Variants in NDUFAF6 observed in about 807,000 individuals in gnomAD.
NDUFAF6 encodes NADH dehydrogenase (ubiquinone) complex I, assembly factor 6.
A neutral mutation model predicts 40.8 loss-of-function variants in NDUFAF6; 45 were observed. The ratio of observed to expected loss-of-function variants is 1.10; its 90% CI spans 0.87 to 1.42. NDUFAF6 has a LOEUF of 1.42. Among genes scored for constraint, NDUFAF6 ranks in the 40% most tolerant of loss-of-function variants. The pLI is 0.00. For synonymous variants in NDUFAF6, 185 were observed against 155.9 expected, an observed-to-expected ratio of 1.19 and a Z score of -1.39; for missense variants, 435 against 418.5, an observed-to-expected ratio of 1.04 and a Z score of -0.34.
chr8:94,936,846 CAGG>C (rs1821025854), intron 1 of NDUFAF6, among the ~76,000 whole-genome samples: 1 of 152,136 alleles, frequency 6.6e-6, no homozygotes, highest in South Asian at 2.1e-4. Context: ...AGTGCAGAGA[CAGG>C]CTGCATCTAG....
At chr8:95,076,189 T>C (rs1833013947), downstream of NDUFAF6, 1 of 154,148 alleles carries the variant, frequency 6.5e-6, no homozygotes, top group South Asian at 2.0e-4. Context: ...AAAAATTGCG[T>C]ATCTCTAGGC....
Position 95,057,856 on chromosome 8 carries a change from T to C in NDUFAF6, c.921T>C (p.Asp307=). 6.2e-7 allele frequency: 1 copy of C among 1,611,360 alleles called. No homozygotes were observed. The stretch of plus-strand genomic sequence containing the variant: ...AGAAAATTCAGCGAGTGGATTTTGA[T>C]ATATTCCACCCATCTTTACAGCAGA... The part of the protein sequence containing the change: ...FLKKIQRVDF[D]IFHPSLQQKN... Residue 307 remains aspartate, a synonymous_variant, in exon 9 of 9, where the codon GAT becomes GAC. Transcript: ENST00000396124.
chr8:94,953,354 A>G (rs917337471), upstream of NDUFAF6, among the ~76,000 whole-genome samples: 1 of 152,034 alleles, frequency 6.6e-6, no homozygotes, highest in Admixed American at 6.6e-5. Context: ...CTCAAGAAAA[A>G]AAAAAACAAA....
At chr8:94,954,121 G>A (rs1822866046), upstream of NDUFAF6, among the ~76,000 whole-genome samples, 1 of 150,024 alleles carries the variant, frequency 6.7e-6, no homozygotes, top group Non-Finnish European at 1.5e-5. Flanking sequence ...GGAGTGCAGT[G>A]GCGTGATCTC....
At chr8:94,925,202 G>T (rs1349421705) in intron 1 of NDUFAF6, among the ~76,000 whole-genome samples, 2 of 152,224 alleles carry the variant, frequency 1.3e-5, no homozygotes, top group African/African-American at 4.8e-5. Context: ...TACAGTTGTA[G>T]AATGCTGATC....
intron 3 of NDUFAF6, chr8:95,036,478 A>G: frequency 7.8e-7 from 1 of 1,289,398 alleles, no homozygotes; most frequent in East Asian, 5.5e-5. Context: ...TTGAGAAGAA[A>G]AAGTGGATGG....
chr8:95,078,807 G>T (rs1808722836), downstream of NDUFAF6, among the ~76,000 whole-genome samples: 1 of 151,822 alleles, frequency 6.6e-6, no homozygotes. Context: ...CATACAGTTT[G>T]CAGGCTTCTC....
chr8:94,937,942 C>T (rs1365353768), intron 1 of NDUFAF6, among the ~76,000 whole-genome samples: 5 of 152,144 alleles, frequency 3.3e-5, no homozygotes, highest in African/African-American at 4.8e-5. Flanking sequence ...TTGCTACCTG[C>T]AATCTAGACC....
intron 2 of NDUFAF6, among the ~76,000 whole-genome samples, chr8:95,084,543 A>G (rs541623175): frequency 3.0e-3 from 457 of 152,260 alleles, no homozygotes; most frequent in African/African-American, 1.0e-2. Flanking sequence ...TGAGTCCAAC[A>G]CCTGGCTAGA....
chr8:95,087,917 A>G (rs1247547970), intron 2 of NDUFAF6: 1 of 152,258 alleles, frequency 6.6e-6, no homozygotes, highest in African/African-American at 2.4e-5. Context: ...GTTTCTCAAG[A>G]TCTCCTCTTC....
intron 1 of NDUFAF6, among the ~76,000 whole-genome samples, chr8:94,979,173 A>G (rs1388482720): frequency 6.6e-6 from 1 of 152,084 alleles, no homozygotes; most frequent in African/African-American, 2.4e-5. Flanking sequence ...CATTCTGGTA[A>G]TTATTTTTTC....
At chr8:94,985,098 C>A (rs1305580955) in intron 2 of NDUFAF6, among the ~76,000 whole-genome samples, 4 of 151,902 alleles carry the variant, frequency 2.6e-5, no homozygotes, top group African/African-American at 7.3e-5. Flanking sequence ...GCCAAAAGGA[C>A]CTGAAGGGAA....
rs137910861 is a variant in NDUFAF6 at position 95,054,355 on chromosome 8, G to A, written c.873+2125G>A. On this transcript the variant is annotated intron_variant, in intron 8 of 8. Transcript: ENST00000396124. ...CAATATCTACCTCACTGGGGAACTT[G>A]TTAGAAATGCAGATCTTGGGCTCCC... 5.5e-3 allele frequency among the ~76,000 whole-genome samples: 831 copies of A among 151,592 alleles called. 11 individuals are homozygous for A. The highest frequency in any genetic ancestry group is 0.019 in the African/African-American group (768 of 41,298).
Position 95,074,222 on chromosome 8 carries a change from GA to G in NDUFAF6, c.*512-1402del, listed in dbSNP as rs141734950. Among the ~76,000 whole-genome samples the G allele has an allele frequency of 4.3e-3, 643 of 150,368 alleles. 5 individuals carry two copies. Among genetic ancestry groups the G allele is most frequent in the Middle Eastern group, 0.01 (3 of 290 alleles). ...TATAATAAGGTTTTAAAAAGAAGGA[GA>G]AAAAAAAATGGATATATTCCAGCTG... is the stretch of plus-strand genomic sequence containing the variant. On this transcript the variant is annotated intron_variant and NMD_transcript_variant, in intron 9 of 9. Transcript: ENST00000520757.
rs368221747 is a variant in NDUFAF6, at chr8:94,963,178, A to G, written c.-199+4999A>G. On this transcript the variant is annotated intron_variant, in intron 1 of 9. Transcript: ENST00000396111. ...CTCTCTATTACCTGCAGCCAAAGGC[A>G]TGTCTTATTGATACAGAGAAAAAGA... Among the ~76,000 whole-genome samples, 17 of 152,362 alleles carry G rather than the reference A, an allele frequency of 1.1e-4. 1 individual carries two copies. In the East Asian group the frequency reaches 2.7e-3, roughly 24 times the overall value.
At chr8:94,897,991 G>T (rs1040566363) in intron 1 of NDUFAF6, among the ~76,000 whole-genome samples, 1 of 151,864 alleles carries the variant, frequency 6.6e-6, no homozygotes. Flanking sequence ...GACGGATGGT[G>T]GAATTATTCC....
At chr8:95,041,480 A>G (rs1830139883) in intron 3 of NDUFAF6, 90 bp from the exon 4 acceptor site, 1 of 854,208 alleles carries the variant, frequency 1.2e-6, no homozygotes, top group Non-Finnish European at 2.0e-6. Context: ...TCCCTTACTT[A>G]GTTTTGTATT....
rs751062038 is a variant in NDUFAF6 at position 95,043,165 on chromosome 8, A to G, written c.477+1539A>G. Among the ~76,000 whole-genome samples, 7 of 151,180 alleles carry G rather than the reference A, an allele frequency of 4.6e-5. No individual in the cohort carries two copies. The South Asian group carries it at 6.3e-4, about 14-fold the overall frequency. ...AGTGACACGATCTCGGCTCACTGCA[A>G]TCTCCGCCTCCTGGGTTCAAGCAGT... On this transcript the variant is annotated intron_variant, in intron 4 of 8. Coordinates refer to ENST00000396124, the MANE Select transcript of NDUFAF6 (RefSeq NM_152416.4).
At position 95,004,393 on chromosome 8, in the gene NDUFAF6, C is replaced by T. The variant is rs114120243; in HGVS notation, c.-84+23420C>T. On this transcript the variant is annotated intron_variant, in intron 2 of 9. Coordinates refer to the NDUFAF6 transcript ENST00000396111. The stretch of plus-strand genomic sequence containing the variant: ...TTTTTGAGACCGGGTCTTGCTGTGT[C>T]ACCCAAGCTGGACTGCAGTGGCACA... Among the ~76,000 whole-genome samples the T allele has an allele frequency of 5.3e-3, 661 of 124,000 alleles. 4 individuals are homozygous for T. Among genetic ancestry groups the T allele is most frequent in the African/African-American group, 0.02 (633 of 31,090 alleles). 81.3% of individuals were successfully genotyped at this position (124,000 alleles called of 152,430 possible).
Sources: allele counts gnomAD v4.1 joint callset (sites outside exome capture counted in the v4.1 genomes callset), GRCh38; gene constraint gnomAD v4.1.1; transcripts MANE v1.5; gene names NCBI Gene and HGNC (gene_info 2026-07-23, HGNC 2026-07-21).